The following EFNA5 variants were observed in gnomAD, a reference collection of about 807,000 sequenced individuals.
The protein encoded by EFNA5 is ephrin-A5.
EFNA5 carries 5 observed loss-of-function variants against 22.9 expected under a neutral mutation model. That is an observed-to-expected ratio of 0.22 (90% confidence interval 0.11 to 0.46). The LOEUF is 0.46. Ranked by LOEUF, EFNA5 falls within the 20% of genes least tolerant of loss-of-function variation. The probability of loss-of-function intolerance (pLI) is 0.99; values close to 1 mark genes in which losing one functional copy is unlikely to be tolerated. For missense variants in EFNA5, 237 were observed against 293.3 expected (o/e 0.81, Z 1.40); for synonymous variants, 113 against 112.2 (o/e 1.01, Z -0.04).
chr5:107,571,810 A>G (rs922671558), intron 1 of EFNA5, among the ~76,000 whole-genome samples: 1 of 151,934 alleles, frequency 6.6e-6, no homozygotes, highest in African/African-American at 2.4e-5. Flanking sequence ...TCGTAGAGAC[A>G]CTCCTTTATG....
At chr5:107,484,576 C>G (rs1409554274) in intron 1 of EFNA5, among the ~76,000 whole-genome samples, 1 of 152,174 alleles carries the variant, frequency 6.6e-6, no homozygotes, top group African/African-American at 2.4e-5. Context: ...GCCAATGAGA[C>G]AAACTGTATA....
chr5:107,503,453 T>C (rs1448057358), intron 1 of EFNA5, among the ~76,000 whole-genome samples: 5 of 152,240 alleles, frequency 3.3e-5, no homozygotes, highest in Non-Finnish European at 5.9e-5. Flanking sequence ...GGTGTTCCGA[T>C]GTCTATCTCC....
At position 107,452,551 on chromosome 5, in the gene EFNA5, C is replaced by T. The variant is rs952811196; in HGVS notation, c.126-25042G>A. Reference sequence around the variant, plus strand: ...CCAACCTGAGCAATACAGTGAAACCCCATCTCAAAAAAAAAAGTTAAAAAA... The same window carrying T: ...CCAACCTGAGCAATACAGTGAAACCTCATCTCAAAAAAAAAAGTTAAAAAA... On this transcript the variant is annotated intron_variant, in intron 1 of 4. Transcript: ENST00000333274. 2.6e-5 allele frequency among the ~76,000 whole-genome samples: 4 copies of T among 151,794 alleles called. 1 individual carries two copies. The highest frequency in any genetic ancestry group is 2.6e-4 in the Admixed American group (4 of 15,242).
At chr5:107,599,359 T>C (rs1197118115) in intron 1 of EFNA5, among the ~76,000 whole-genome samples, 1 of 152,224 alleles carries the variant, frequency 6.6e-6, no homozygotes, top group African/African-American at 2.4e-5. Context: ...AACAGAGATA[T>C]GCTCTGAGTA....
intron 1 of EFNA5, among the ~76,000 whole-genome samples, chr5:107,452,326 T>A (rs1052223876): frequency 4.0e-5 from 6 of 151,672 alleles, no homozygotes; most frequent in Non-Finnish European, 7.4e-5. Flanking sequence ...AAGTATCCCG[T>A]TTTTTTTCTT....
chr5:107,389,453 G>A (rs1747727437), intron 2 of EFNA5, among the ~76,000 whole-genome samples: 1 of 152,144 alleles, frequency 6.6e-6, no homozygotes, highest in South Asian at 2.1e-4. Flanking sequence ...AGTGACACAT[G>A]GATGTTCACA....
At chr5:107,565,880 T>C (rs369781322) in intron 1 of EFNA5, among the ~76,000 whole-genome samples, 2 of 152,308 alleles carry the variant, frequency 1.3e-5, no homozygotes, top group African/African-American at 4.8e-5. Flanking sequence ...AAAAGTTAAT[T>C]TTACATGACG....
intron 2 of EFNA5, chr5:107,388,519 T>C (rs1380420447): frequency 6.6e-6 from 1 of 152,014 alleles, no homozygotes; most frequent in African/African-American, 2.4e-5. Context: ...AAGTTATAAA[T>C]CACTTGAGGA....
chr5:107,422,154 AC>A (rs2112415336), intron 2 of EFNA5, among the ~76,000 whole-genome samples: 1 of 152,228 alleles, frequency 6.6e-6, no homozygotes, highest in Non-Finnish European at 1.5e-5. Flanking sequence ...ATCTGTGTGA[AC>A]CTTTTTCAAG....
At chr5:107,611,643 A>C (rs1749821237) in intron 1 of EFNA5, among the ~76,000 whole-genome samples, 1 of 152,222 alleles carries the variant, frequency 6.6e-6, no homozygotes, top group Non-Finnish European at 1.5e-5. Flanking sequence ...TGTGAATATG[A>C]CAGGACACAG....
chr5:107,528,024 G>C (rs1030210981), intron 1 of EFNA5, among the ~76,000 whole-genome samples: 1 of 152,210 alleles, frequency 6.6e-6, no homozygotes, highest in Non-Finnish European at 1.5e-5. Context: ...TTGGCAAATA[G>C]ATGGACAGGA....
chr5:107,433,949 G>A lies in EFNA5; in HGVS notation c.126-6440C>T, dbSNP rs953348720. Among the ~76,000 whole-genome samples, 6 of 151,508 alleles carry A rather than the reference G, an allele frequency of 4.0e-5. No homozygotes were observed. The South Asian group carries it at 6.3e-4, about 16-fold the overall frequency. ...CCTGTACTGAACCTATCTGCAAGAA[G>A]TAAGTCATGACTTGAGTCTCAGAAT... On this transcript the variant is annotated intron_variant, in intron 1 of 4. Coordinates refer to ENST00000333274, the MANE Select transcript of EFNA5 (RefSeq NM_001962.3).
intron 1 of EFNA5, among the ~76,000 whole-genome samples, chr5:107,521,534 C>T (rs1747598564): frequency 6.8e-6 from 1 of 146,974 alleles, no homozygotes. Flanking sequence ...TGGTCTTAAA[C>T]TCCTAGGCTC....
At position 107,381,245 on chromosome 5, in the gene EFNA5, G is replaced by C; in HGVS notation, c.*10C>G. On this transcript the variant is annotated 3_prime_UTR_variant, in exon 5 of 5. Transcript: ENST00000333274. ...ATGTTTTCTGTGACAAGTGATGGGA[G>C]GAGACTGTGCTATAATGTCAAAAGC... 1 of 1,611,510 alleles carries C rather than the reference G, an allele frequency of 6.2e-7. No homozygotes were observed. Among genetic ancestry groups the C allele is most frequent in the South Asian group, 1.1e-5 (1 of 90,976 alleles).
chr5:107,480,136 CA>C (rs1396095398), intron 1 of EFNA5, among the ~76,000 whole-genome samples: 1 of 152,076 alleles, frequency 6.6e-6, no homozygotes, highest in Non-Finnish European at 1.5e-5. Context: ...AGTGCCCCAC[CA>C]ATATGCTTCA....
chr5:107,498,473 GA>G (rs1747045066), intron 1 of EFNA5, among the ~76,000 whole-genome samples: 1 of 152,104 alleles, frequency 6.6e-6, no homozygotes, highest in East Asian at 1.9e-4. Flanking sequence ...TACTCCCCTG[GA>G]GCTTCCCTGG....
At chr5:107,622,263 C>T (rs1750052079) in intron 1 of EFNA5, among the ~76,000 whole-genome samples, 1 of 152,136 alleles carries the variant, frequency 6.6e-6, no homozygotes, top group Non-Finnish European at 1.5e-5. Context: ...TAAGGAATGG[C>T]ACAGTAGTGG....
chr5:107,503,595 G>A (rs956062542), intron 1 of EFNA5, among the ~76,000 whole-genome samples: 1 of 152,164 alleles, frequency 6.6e-6, no homozygotes, highest in Non-Finnish European at 1.5e-5. Flanking sequence ...CACTACTTAC[G>A]TAGTAAGAAC....
chr5:107,404,155 G>A (rs1561371605), intron 2 of EFNA5, among the ~76,000 whole-genome samples: 1 of 152,196 alleles, frequency 6.6e-6, no homozygotes, highest in Non-Finnish European at 1.5e-5. Context: ...AGTACACATG[G>A]TTCAAGCTCG....
Sources: allele counts gnomAD v4.1 joint callset (sites outside exome capture counted in the v4.1 genomes callset), GRCh38; gene constraint gnomAD v4.1.1; transcripts MANE v1.5; gene names NCBI Gene and HGNC (gene_info 2026-07-23, HGNC 2026-07-21).